PEPD: variants seen among roughly 807,000 people sequenced by gnomAD.
PEPD encodes the protein xaa-Pro dipeptidase.
In PEPD, 53 loss-of-function variants were observed where a neutral mutation model predicts 60.7. The observed-to-expected ratio is 0.87, with a 90% CI of 0.70 to 1.10. PEPD has a LOEUF of 1.10. PEPD is among the 50% of genes least tolerant of loss of function. The pLI is 0.00. For missense variants in PEPD, 711 were observed against 711.9 expected, an observed-to-expected ratio of 1.00 and a Z score of 0.01; for synonymous variants, 267 against 284.1, an observed-to-expected ratio of 0.94 and a Z score of 0.60.
intron 9 of PEPD, among the ~76,000 whole-genome samples, chr19:33,420,225 C>A (rs1303759882): frequency 2.0e-5 from 3 of 151,958 alleles, no homozygotes; most frequent in Non-Finnish European, 2.9e-5. Flanking sequence ...GCTCATCAGA[C>A]TGTAATATAC....
rs74345790 is a variant in PEPD, at chr19:33,479,035, C to T, written c.504-945G>A. Among the ~76,000 whole-genome samples the T allele has an allele frequency of 2.3e-3, 356 of 152,086 alleles. 1 individual carries two copies. Among genetic ancestry groups the T allele is most frequent in the African/African-American group, 3.3e-3 (139 of 41,504 alleles). On this transcript the variant is annotated intron_variant, in intron 6 of 14. Transcript: ENST00000244137. ...TTGATAAGTACAAAATGAATAAAGA[C>T]GCAATCCACATGCCATAACAGCACA...
intron 9 of PEPD, among the ~76,000 whole-genome samples, chr19:33,453,864 C>T (rs1010651954): frequency 6.6e-6 from 1 of 152,188 alleles, no homozygotes; most frequent in Non-Finnish European, 1.5e-5. Context: ...AAACCAAGAA[C>T]ACTAGTCTCT....
chr19:33,490,478 C>T (rs778070454), intron 5 of PEPD, among the ~76,000 whole-genome samples: 5 of 152,312 alleles, frequency 3.3e-5, no homozygotes, highest in Middle Eastern at 3.4e-3. Flanking sequence ...AGAGTCCTGT[C>T]GAACCCAGCC....
intron 12 of PEPD, among the ~76,000 whole-genome samples, chr19:33,401,031 G>A (rs551102055): frequency 1.3e-5 from 2 of 152,306 alleles, no homozygotes; most frequent in African/African-American, 4.8e-5. Context: ...CATCAACGGC[G>A]CGCGGTGGGA....
At chr19:33,454,460 G>A (rs1969758849) in intron 9 of PEPD, among the ~76,000 whole-genome samples, 2 of 151,960 alleles carry the variant, frequency 1.3e-5, no homozygotes, top group Non-Finnish European at 2.9e-5. Context: ...AAATTAGCTG[G>A]GCATGGTGGT....
chr19:33,393,183 G>C (rs1027894340), intron 12 of PEPD, among the ~76,000 whole-genome samples: 20 of 151,026 alleles, frequency 1.3e-4, no homozygotes, highest in African/African-American at 3.9e-4. Context: ...GGTCTGGCGT[G>C]GGGGAGGCCG....
chr19:33,392,171 G>A (rs910712203), intron 12 of PEPD, among the ~76,000 whole-genome samples: 8 of 152,128 alleles, frequency 5.3e-5, no homozygotes, highest in African/African-American at 1.9e-4. Flanking sequence ...TCCAACTCCC[G>A]GCTTCAAATC....
At chr19:33,499,407 G>A (rs1004384374) in intron 4 of PEPD, among the ~76,000 whole-genome samples, 2 of 152,176 alleles carry the variant, frequency 1.3e-5, no homozygotes, top group African/African-American at 2.4e-5. Flanking sequence ...TGCGGTGACT[G>A]TTCACTCATG....
At chr19:33,457,000 A>G (rs1170122421) in intron 9 of PEPD, among the ~76,000 whole-genome samples, 2 of 151,106 alleles carry the variant, frequency 1.3e-5, no homozygotes, top group East Asian at 3.9e-4. Context: ...AGAGACACAC[A>G]AGGTGTCTCA....
intron 3 of PEPD, among the ~76,000 whole-genome samples, chr19:33,507,190 CA>C (rs1970830620): frequency 1.3e-5 from 2 of 152,274 alleles, no homozygotes; most frequent in African/African-American, 4.8e-5. Context: ...GAATGCGTTA[CA>C]AAGGTTCCAG....
chr19:33,486,547 CA>C (rs1970400289), intron 6 of PEPD, among the ~76,000 whole-genome samples: 1 of 152,094 alleles, frequency 6.6e-6, no homozygotes, highest in Non-Finnish European at 1.5e-5. Context: ...TGTGCATGCC[CA>C]CCACCCTCAG....
intron 9 of PEPD, among the ~76,000 whole-genome samples, chr19:33,458,650 G>A (rs1318538300): frequency 7.4e-6 from 1 of 135,782 alleles, no homozygotes; most frequent in Non-Finnish European, 1.6e-5. Flanking sequence ...TGTTGTGTGT[G>A]GTATGTGGCA....
intron 1 of PEPD, among the ~76,000 whole-genome samples, chr19:33,517,875 G>A (rs1048568229): frequency 7.3e-5 from 11 of 151,508 alleles, no homozygotes; most frequent in African/African-American, 2.7e-4. Context: ...GCTGAGGCAG[G>A]AGAACCACTT....
At chr19:33,517,649 CAAGG>C in intron 1 of PEPD, among the ~76,000 whole-genome samples, 1 of 151,634 alleles carries the variant, frequency 6.6e-6, no homozygotes, top group South Asian at 2.1e-4. Context: ...ACCGCACAGA[CAAGG>C]AAAGATCTCT....
intron 9 of PEPD, among the ~76,000 whole-genome samples, chr19:33,419,230 G>C (rs1234417971): frequency 6.6e-6 from 1 of 152,118 alleles, no homozygotes; most frequent in African/African-American, 2.4e-5. Context: ...CACACTCCTG[G>C]AGCCCCACTG....
At chr19:33,491,826 C>G (rs1970505443) in intron 5 of PEPD, among the ~76,000 whole-genome samples, 1 of 152,008 alleles carries the variant, frequency 6.6e-6, no homozygotes, top group South Asian at 2.1e-4. Context: ...TTGCTTGGAC[C>G]AGTATAAGCA....
intron 9 of PEPD, among the ~76,000 whole-genome samples, chr19:33,415,829 G>A (rs1250498591): frequency 3.9e-5 from 6 of 152,204 alleles, no homozygotes; most frequent in South Asian, 2.1e-4. Flanking sequence ...GGAGCACCAC[G>A]TGCTGGATAT....
intron 3 of PEPD, among the ~76,000 whole-genome samples, chr19:33,502,878 T>C (rs764985723): frequency 1.6e-4 from 23 of 147,276 alleles, no homozygotes; most frequent in Non-Finnish European, 3.1e-4. Flanking sequence ...TTGTGTGTTT[T>C]GTCCAATTCT....
At chr19:33,460,582 C>T (rs1173521927) in intron 9 of PEPD, among the ~76,000 whole-genome samples, 1 of 152,168 alleles carries the variant, frequency 6.6e-6, no homozygotes, top group Non-Finnish European at 1.5e-5. Context: ...CTGTCTCAGT[C>T]CCCGTACCCA....
Sources: gnomAD v4.1 joint callset for allele counts (sites outside exome capture counted in the v4.1 genomes callset) on GRCh38, gnomAD v4.1.1 for gene constraint, MANE v1.5 for transcripts, NCBI Gene and HGNC (gene_info 2026-07-23, HGNC 2026-07-21) for gene names.